The following NLRP4 variants were observed in gnomAD, a reference collection of about 807,000 sequenced individuals.
NLRP4 encodes NLR family pyrin domain containing 4.
Under a neutral mutation model 84.7 loss-of-function variants are expected in NLRP4, and 44 were observed. The ratio of observed to expected loss-of-function variants is 0.52; its 90% CI spans 0.41 to 0.67. The LOEUF (loss-of-function observed/expected upper bound fraction) is 0.67. NLRP4 is among the 30% of genes least tolerant of loss of function. The pLI is 0.00. For missense variants in NLRP4, 1,260 were observed against 1,219.4 expected, an observed-to-expected ratio of 1.03 and a Z score of -0.50; for synonymous variants, 544 against 476.4, an observed-to-expected ratio of 1.14 and a Z score of -1.85.
chr19:55,865,937 T>C (rs1984937524), intron 5 of NLRP4, among the ~76,000 whole-genome samples: 2 of 152,236 alleles, frequency 1.3e-5, no homozygotes, highest in African/African-American at 2.4e-5. Context: ...AGATGCACTT[T>C]ATTTTTTTCT....
chr19:55,868,849 C>G (rs1187245898), intron 6 of NLRP4, among the ~76,000 whole-genome samples: 2 of 152,068 alleles, frequency 1.3e-5, no homozygotes, highest in African/African-American at 4.8e-5. Flanking sequence ...CCTCTTTATA[C>G]TTTTGGGCAT....
intron 2 of NLRP4, among the ~76,000 whole-genome samples, chr19:55,854,048 C>T (rs1315262234): frequency 6.6e-6 from 1 of 152,054 alleles, no homozygotes; most frequent in Non-Finnish European, 1.5e-5. Context: ...CGGCCCACTG[C>T]AGCTTCCACC....
rs768746861 is a variant in NLRP4, at chr19:55,877,174, T to C, written c.2696+8T>C. 1.2e-6 allele frequency: 2 copies of C among 1,612,074 alleles called. No homozygotes were observed. Among genetic ancestry groups the C allele is most frequent in the South Asian group, 1.1e-5 (1 of 90,998 alleles). On this transcript the variant is annotated splice_region_variant and intron_variant, in intron 8 of 9. Transcript: ENST00000301295. ...CCGCTTAGAGATTCTTGGGTGGGTA[T>C]CGCCAAGCTCCTGGTTATGTTTTCA...
At position 55,857,295 on chromosome 19, in the gene NLRP4, A is replaced by T. The variant is rs193195311; in HGVS notation, c.281-379A>T. ...GTGTGTGTGTGTCTATTGAAAGCAG[A>T]AGTTGTCAAACTTTACGTAGTAGCA... On this transcript the variant is annotated intron_variant, in intron 2 of 9. Coordinates refer to ENST00000301295, the MANE Select transcript of NLRP4 (RefSeq NM_134444.5). 686 of 329,036 alleles carry T rather than the reference A, an allele frequency of 2.1e-3. 5 individuals are homozygous for T. The highest frequency in any genetic ancestry group is 0.013 in the African/African-American group (622 of 46,796). 20.4% of individuals were successfully genotyped at this position (329,036 alleles called of 1,614,324 possible).
At chr19:55,840,765 TA>T (rs1175510165) in intron 1 of NLRP4, among the ~76,000 whole-genome samples, 1 of 152,194 alleles carries the variant, frequency 6.6e-6, no homozygotes, top group Non-Finnish European at 1.5e-5. Context: ...CTCTTCCTGG[TA>T]ATTTGAGCCC....
intron 8 of NLRP4, among the ~76,000 whole-genome samples, chr19:55,877,943 C>A (rs964126443): frequency 1.4e-4 from 21 of 152,102 alleles, no homozygotes; most frequent in Non-Finnish European, 1.5e-4. Context: ...CAGAAATGAG[C>A]CCATAGCAGC....
chr19:55,851,553 T>A lies in NLRP4; in HGVS notation c.-65-463T>A, dbSNP rs375104698. On this transcript the variant is annotated intron_variant, in intron 1 of 9. Transcript: ENST00000301295. ...TACCGAGGCTGCGGTGTAATGTCCG[T>A]GGCTGCGGTGTAATGTCCGAGGCTG... Among the ~76,000 whole-genome samples the A allele has an allele frequency of 6.4e-3, 312 of 49,030 alleles. 2 individuals carry two copies. The highest frequency in any genetic ancestry group is 7.9e-3 in the Non-Finnish European group (227 of 28,714). 32.2% of individuals were successfully genotyped at this position (49,030 alleles called of 152,430 possible). A position where few individuals can be genotyped will look rare whatever the true frequency, so the allele number is the denominator to read the frequency against.
At chr19:55,847,304 G>A (rs1467701338) in intron 1 of NLRP4, among the ~76,000 whole-genome samples, 2 of 152,088 alleles carry the variant, frequency 1.3e-5, no homozygotes, top group African/African-American at 4.8e-5. Context: ...CTTTGCTACT[G>A]TTGGCTTTTT....
In NLRP4 at chr19:55,876,882, C is replaced by T. The variant is rs191036358; in HGVS notation, c.2526-114C>T. ...TAGTTGAATCTGTGGATATGGAGGA[C>T]TGACGGTGCCTATCCACATGAATGA... On this transcript the variant is annotated intron_variant, in intron 7 of 9. Coordinates refer to ENST00000301295, the MANE Select transcript of NLRP4 (RefSeq NM_134444.5). 8.4e-4 allele frequency: 615 copies of T among 733,412 alleles called. 2 individuals are homozygous for T. The highest frequency in any genetic ancestry group is 7.8e-4 in the Non-Finnish European group (342 of 439,158). The allele number at this position is 733,412 out of a possible 1,614,324, so 45.4% of individuals were successfully genotyped here. A position where few individuals can be genotyped will look rare whatever the true frequency, so the allele number is the denominator to read the frequency against.
At chr19:55,878,695 G>T in intron 8 of NLRP4, 99 bp from the exon 9 acceptor site, 1 of 1,027,932 alleles carries the variant, frequency 9.7e-7, no homozygotes, top group Non-Finnish European at 1.4e-6. Flanking sequence ...TTGCACTTGA[G>T]GCAATGGGGT....
In NLRP4 at chr19:55,858,214, C is replaced by T. The variant is rs1367894449; in HGVS notation, c.821C>T (p.Ser274Phe). 2.5e-6 allele frequency: 4 copies of T among 1,614,158 alleles called. No individual in the cohort carries two copies. In the South Asian group the frequency reaches 3.3e-5, roughly 13 times the overall value. ...AGGAAGAAGATGCTCCCGGAGGCCTCCCTGCTCATCGCTATCAAACCCGTG... is the reference window on the plus strand; with the variant it reads ...AGGAAGAAGATGCTCCCGGAGGCCTTCCTGCTCATCGCTATCAAACCCGTG... ...LLRKKMLPEA[S>F]LLIAIKPVCP... Residue 274 changes from serine (S) to phenylalanine (F), a missense_variant, in exon 3 of 10, where the codon TCC becomes TTC. Ser to Phe is a radical substitution (Grantham distance 155, BLOSUM62 -2). Around this residue, in one of 3 missense-constraint regions of NLRP4, gnomAD observed 712 missense variants for 669.2 expected, o/e 1.06. Coordinates refer to ENST00000301295, the MANE Select transcript of NLRP4 (RefSeq NM_134444.5). This position sits in a 1 kb window ranked among gnomAD's most constrained non-coding sequence, Gnocchi z 4.2.
At chr19:55,846,209 G>A (rs1475335076) in intron 1 of NLRP4, among the ~76,000 whole-genome samples, 1 of 152,142 alleles carries the variant, frequency 6.6e-6, no homozygotes, top group Non-Finnish European at 1.5e-5. Context: ...TAAGGTATAA[G>A]GAAGGGATCC....
At chr19:55,872,709 G>C (rs1985232463) in intron 7 of NLRP4, among the ~76,000 whole-genome samples, 1 of 152,146 alleles carries the variant, frequency 6.6e-6, no homozygotes, top group South Asian at 2.1e-4. Flanking sequence ...AGACTTAGAT[G>C]ATTAAGATGT....
At chr19:55,847,500 C>T (rs1163656043) in intron 1 of NLRP4, among the ~76,000 whole-genome samples, 2 of 151,920 alleles carry the variant, frequency 1.3e-5, no homozygotes, top group Non-Finnish European at 2.9e-5. Context: ...TAACTATTTG[C>T]CCTATGTTTT....
At chr19:55,838,515 A>G (rs569093351) in intron 1 of NLRP4, among the ~76,000 whole-genome samples, 1 of 152,220 alleles carries the variant, frequency 6.6e-6, no homozygotes, top group African/African-American at 2.4e-5. Context: ...ACCATGAGAC[A>G]GTAGGTTTCT....
At chr19:55,875,468 G>A (rs1985333819) in intron 7 of NLRP4, among the ~76,000 whole-genome samples, 1 of 152,064 alleles carries the variant, frequency 6.6e-6, no homozygotes, top group South Asian at 2.1e-4. Flanking sequence ...ACATAAAAAA[G>A]AAATTACCTA....
intron 7 of NLRP4, among the ~76,000 whole-genome samples, chr19:55,876,195 C>A (rs1454205633): frequency 6.6e-6 from 1 of 152,170 alleles, no homozygotes; most frequent in Non-Finnish European, 1.5e-5. Context: ...GATGTCGCAT[C>A]ATGGAATAGC....
intron 1 of NLRP4, among the ~76,000 whole-genome samples, chr19:55,841,231 C>T (rs770447403): frequency 1.5e-4 from 23 of 152,278 alleles, no homozygotes; most frequent in Non-Finnish European, 3.1e-4. Flanking sequence ...CTAGAACTTG[C>T]GCTTTCTAAC....
chr19:55,861,932 G>A (rs1984773483), intron 4 of NLRP4, 60 bp from the exon 5 acceptor site: 2 of 1,095,136 alleles, frequency 1.8e-6, no homozygotes, highest in Admixed American at 1.7e-5. Flanking sequence ...GACAAACACA[G>A]GTGTGCAGGC....
Sources: allele counts gnomAD v4.1 joint callset (sites outside exome capture counted in the v4.1 genomes callset), GRCh38; gene constraint gnomAD v4.1.1; regional missense constraint gnomAD v4.1.1; non-coding constraint Gnocchi (gnomAD v3.1); transcripts MANE v1.5; gene names NCBI Gene and HGNC (gene_info 2026-07-23, HGNC 2026-07-21).